Variants in TRIM31 observed in about 807,000 individuals in gnomAD.
TRIM31 encodes the protein E3 ubiquitin-protein ligase TRIM31.
Under a neutral mutation model 40.6 loss-of-function variants are expected in TRIM31, and 31 were observed. The ratio of observed to expected loss-of-function variants is 0.76; its 90% CI spans 0.57 to 1.03. TRIM31 has a LOEUF of 1.03. TRIM31 is among the 50% of genes least tolerant of loss of function. TRIM31 has a pLI of 0.00. For synonymous variants in TRIM31, 164 were observed against 193.9 expected (o/e 0.85, Z 1.28); for missense variants, 455 against 497.5 (o/e 0.91, Z 0.81).
intron 4 of TRIM31, 99 bp from the exon 5 acceptor site, chr6:30,109,147 G>T: frequency 3.1e-6 from 4 of 1,273,660 alleles, no homozygotes; most frequent in Non-Finnish European, 4.6e-6. Context: ...CAGAGCAGGA[G>T]GAGTAAGAAC....
intron 3 of TRIM31, 75 bp downstream of exon 3, chr6:30,111,573 G>T: frequency 6.9e-7 from 1 of 1,448,436 alleles, no homozygotes; most frequent in Non-Finnish European, 9.7e-7. Context: ...TGAGGGGTCA[G>T]TGTAATAGGG....
At chr6:30,112,178 T>C (rs1769397884) in intron 2 of TRIM31, 1 of 597,444 alleles carries the variant, frequency 1.7e-6, no homozygotes, top group African/African-American at 1.9e-5. Context: ...TTTCACATCC[T>C]TTCCATTCTC....
In TRIM31 at chr6:30,112,897, G is replaced by A; in HGVS notation, c.-83-9C>T. On this transcript the variant is annotated splice_polypyrimidine_tract_variant and intron_variant, in intron 1 of 8. Transcript: ENST00000376734. ...CACTGTGGATACTGTTTCTAGGAAG[G>A]GAGAAGGGAGTCAGAGAAAGTGGAG... 7.7e-7 allele frequency: 1 copy of A among 1,294,420 alleles called. No homozygotes were observed. The highest frequency in any genetic ancestry group is 2.5e-5 in the East Asian group (1 of 40,764). The allele number at this position is 1,294,420 out of a possible 1,614,324, so 80.2% of individuals were successfully genotyped here.
chr6:30,107,006 A>G (rs1342229066), intron 6 of TRIM31, among the ~76,000 whole-genome samples: 1 of 152,208 alleles, frequency 6.6e-6, no homozygotes, highest in Non-Finnish European at 1.5e-5. Context: ...AAGCTGAGGC[A>G]GGAGAATCGC....
chr6:30,104,785 A>T (rs900572530), intron 7 of TRIM31, among the ~76,000 whole-genome samples: 1 of 152,188 alleles, frequency 6.6e-6, no homozygotes, highest in African/African-American at 2.4e-5. Flanking sequence ...CTGTTATTAC[A>T]GTGGGTCTCC....
rs753966886 is a variant in TRIM31, at chr6:30,112,775, G to A, written c.31C>T (p.Gln11Ter). 29 of 1,611,480 alleles carry A rather than the reference G, an allele frequency of 1.8e-5. No homozygotes were observed. The highest frequency in any genetic ancestry group is 2.2e-5 in the Non-Finnish European group (26 of 1,179,352). The change falls in exon 2 of 9, where the codon CAA becomes TAA. Residue 11 changes from glutamine (Q) to a stop codon, truncating the protein, a stop_gained. Transcript: ENST00000376734. LOFTEE classifies it high-confidence loss of function. ...CAGATGGGGCAGATCACTTCCTCTT[G>A]CAGTTTGTTCACAAACTGCCCACTG... is the stretch of plus-strand genomic sequence containing the variant. Reference protein sequence around the residue: MASGQFVNKLQEEVICPICLD... With the variant: MASGQFVNKL
Position 30,112,793 on chromosome 6 carries a change from G to T in TRIM31, c.13C>A (p.Gln5Lys). MASG[Q>K]FVNKLQEEVI... ...TCCTCTTGCAGTTTGTTCACAAACT[G>T]CCCACTGGCCATGACAGAACAACAG... Residue 5 changes from glutamine to lysine, a missense_variant, in exon 2 of 9, where the codon CAG becomes AAG. Coordinates refer to ENST00000376734, the MANE Select transcript of TRIM31 (RefSeq NM_007028.5). The T allele has an allele frequency of 1.2e-6, 2 of 1,608,098 alleles. No homozygotes were observed. Among genetic ancestry groups the T allele is most frequent in the Non-Finnish European group, 1.7e-6 (2 of 1,177,608 alleles).
Position 30,108,060 on chromosome 6 carries a change from T to C in TRIM31, c.876A>G (p.Lys292=), listed in dbSNP as rs1768893741. 1.2e-6 allele frequency: 2 copies of C among 1,600,338 alleles called. No homozygotes were observed. Among genetic ancestry groups the C allele is most frequent in the African/African-American group, 2.7e-5 (2 of 74,746 alleles). The part of the protein sequence containing the change: ...RHDSITGSLK[K]FKDQLQADRK... ...ATACAGCCTCTTCCTTACCTTTGAA[T>C]TTTTTTAGGCTCCCTGTGATGGAGT... Residue 292 remains lysine, a synonymous_variant, in exon 6 of 9, where the codon AAA becomes AAG. Coordinates refer to ENST00000376734, the MANE Select transcript of TRIM31 (RefSeq NM_007028.5).
rs2127377796 is a variant in TRIM31, at chr6:30,103,474, A to C, written c.*62T>G. On this transcript the variant is annotated 3_prime_UTR_variant, in exon 9 of 9. Transcript: ENST00000376734. The stretch of plus-strand genomic sequence containing the variant: ...CGTGGTCGGTCTCAGCCACTCACTC[A>C]GCGCCACTCTATGCTCCGAAGTCCG... 2 of 1,598,238 alleles carry C rather than the reference A, an allele frequency of 1.3e-6. No individual in the cohort carries two copies. Among genetic ancestry groups the C allele is most frequent in the Non-Finnish European group, 1.7e-6 (2 of 1,172,594 alleles).
chr6:30,106,301 C>T (rs567790686), intron 6 of TRIM31, among the ~76,000 whole-genome samples: 8 of 152,286 alleles, frequency 5.3e-5, no homozygotes, highest in East Asian at 1.9e-4. Context: ...TCAGGGGAGA[C>T]GCGGGGGCCC....
intron 6 of TRIM31, 178 bp downstream of exon 6, chr6:30,107,875 A>G (rs2127386148): frequency 1.7e-6 from 1 of 594,672 alleles, no homozygotes; most frequent in Non-Finnish European, 3.0e-6. Flanking sequence ...AAGACAGAAT[A>G]TAAGAAATGC....
intron 2 of TRIM31, 29 bp from the exon 3 acceptor site, chr6:30,111,772 T>G: frequency 6.2e-7 from 1 of 1,610,114 alleles, no homozygotes. Flanking sequence ...TTGGACAGGC[T>G]GTGCCTGGAG....
intron 7 of TRIM31, among the ~76,000 whole-genome samples, chr6:30,104,915 C>T (rs1163856492): frequency 1.3e-5 from 2 of 152,220 alleles, no homozygotes; most frequent in South Asian, 2.1e-4. Context: ...TTTTTCCTCC[C>T]TGTCTCTAGG....
chr6:30,103,480 AC>A lies in TRIM31; in HGVS notation c.*55del, dbSNP rs769841490. ...CGGTCTCAGCCACTCACTCAGCGCC[AC>A]TCTATGCTCCGAAGTCCGTGTAGCA... On this transcript the variant is annotated 3_prime_UTR_variant, in exon 9 of 9. Coordinates refer to ENST00000376734, the MANE Select transcript of TRIM31 (RefSeq NM_007028.5). 11 of 1,601,496 alleles carry A rather than the reference AC, an allele frequency of 6.9e-6. No homozygotes were observed. Among genetic ancestry groups the A allele is most frequent in the Non-Finnish European group, 9.4e-6 (11 of 1,174,590 alleles).
intron 5 of TRIM31, 29 bp from the exon 6 acceptor site, chr6:30,108,197 G>C (rs1160389099): frequency 6.7e-7 from 1 of 1,500,052 alleles, no homozygotes; most frequent in Non-Finnish European, 9.3e-7. Context: ...GCTGGTTGGT[G>C]AGATCAGGGG....
chr6:30,103,836 G>C (rs372159396), intron 8 of TRIM31, 47 bp from the exon 9 acceptor site: 70 of 1,608,922 alleles, frequency 4.4e-5, no homozygotes, highest in Non-Finnish European at 5.7e-5. Context: ...GGAGCACCTC[G>C]GCAGCAATCC....
chr6:30,104,752 A>G (rs1768515299), intron 7 of TRIM31, among the ~76,000 whole-genome samples: 1 of 152,204 alleles, frequency 6.6e-6, no homozygotes, highest in African/African-American at 2.4e-5. Context: ...TGGCAGAACC[A>G]TATCTAATGA....
intron 7 of TRIM31, 38 bp from the exon 8 acceptor site, chr6:30,104,205 A>G: frequency 6.2e-7 from 1 of 1,603,892 alleles, no homozygotes; most frequent in Non-Finnish European, 8.5e-7. Flanking sequence ...TGGTCTTGAT[A>G]ACCAGAAGCT....
intron 4 of TRIM31, among the ~76,000 whole-genome samples, chr6:30,109,818 C>T (rs919647188): frequency 3.9e-5 from 6 of 152,036 alleles, no homozygotes; most frequent in African/African-American, 1.2e-4. Context: ...GCCAAAATCG[C>T]GCCACTGTAC....
Sources: allele counts gnomAD v4.1 joint callset (sites outside exome capture counted in the v4.1 genomes callset), GRCh38; gene constraint gnomAD v4.1.1; transcripts MANE v1.5; gene names NCBI Gene and HGNC (gene_info 2026-07-23, HGNC 2026-07-21).